TUSC3: variants seen among roughly 807,000 people sequenced by gnomAD.
TUSC3 encodes tumor suppressor candidate 3.
Under a neutral mutation model 44.8 loss-of-function variants are expected in TUSC3, and 45 were observed. The ratio of observed to expected loss-of-function variants is 1.00; its 90% CI spans 0.79 to 1.29. The LOEUF is 1.29. Ranked by LOEUF, TUSC3 falls within the 50% of genes most tolerant of loss-of-function variation. TUSC3 has a pLI of 0.00. For synonymous variants in TUSC3, 212 were observed against 152.9 expected, an observed-to-expected ratio of 1.39 and a Z score of -2.85; for missense variants, 519 against 437.9, an observed-to-expected ratio of 1.19 and a Z score of -1.65.
At chr8:15,758,807 G>T (rs1436511716) in intron 10 of TUSC3, among the ~76,000 whole-genome samples, 1 of 152,082 alleles carries the variant, frequency 6.6e-6, no homozygotes, top group African/African-American at 2.4e-5. Context: ...AGGCTGTGTA[G>T]AAAATTGGCC....
rs115574739 is a variant in TUSC3 at position 15,760,584 on chromosome 8, G to C, written c.*46+2729G>C. Among the ~76,000 whole-genome samples, 501 of 152,090 alleles carry C rather than the reference G, an allele frequency of 3.3e-3. 3 individuals are homozygous for C. The highest frequency in any genetic ancestry group is 0.012 in the African/African-American group (488 of 41,486). On this transcript the variant is annotated intron_variant, in intron 10 of 10. Transcript: ENST00000503731. ...TACAGTTCTAAATCATTGGGGGGTG[G>C]GACGTCAACAAAGAATATTTTGTGA...
At chr8:15,540,626 G>C in intron 1 of TUSC3, 58 bp downstream of exon 1, 1 of 1,478,556 alleles carries the variant, frequency 6.8e-7, no homozygotes, top group Non-Finnish European at 9.1e-7. Flanking sequence ...GGTGGGCCGC[G>C]TTGCCAGGCA....
intron 2 of TUSC3, among the ~76,000 whole-genome samples, chr8:15,627,014 T>C (rs1805540691): frequency 1.3e-5 from 2 of 152,118 alleles, no homozygotes. Context: ...TTGAACAGAG[T>C]GGGAAAGTGT....
intron 6 of TUSC3, among the ~76,000 whole-genome samples, chr8:15,685,839 G>GT (rs1808604569): frequency 6.7e-6 from 1 of 150,322 alleles, no homozygotes; most frequent in Non-Finnish European, 1.5e-5. Context: ...ATTTTGTTGG[G>GT]TATTCATTTA....
At chr8:15,675,877 A>T (rs1248513879) in intron 6 of TUSC3, among the ~76,000 whole-genome samples, 1 of 152,122 alleles carries the variant, frequency 6.6e-6, no homozygotes, top group Non-Finnish European at 1.5e-5. Context: ...TGGTATTGAG[A>T]ATAATGCTGC....
chr8:15,716,639 T>C (rs1810071996), intron 6 of TUSC3, among the ~76,000 whole-genome samples: 1 of 152,158 alleles, frequency 6.6e-6, no homozygotes, highest in South Asian at 2.1e-4. Context: ...AATTATATGC[T>C]AATAATATGT....
At chr8:15,483,325 T>C in intron 1 of TUSC3, 1 of 224,164 alleles carries the variant, frequency 4.5e-6, no homozygotes. Flanking sequence ...TTTTTGTTGT[T>C]GTTGTTGTTG....
chr8:15,599,502 C>G (rs1304601973), intron 1 of TUSC3, among the ~76,000 whole-genome samples: 2 of 151,654 alleles, frequency 1.3e-5, no homozygotes. Context: ...AAAAAGTCAT[C>G]GCCATACCCA....
chr8:15,696,462 G>T (rs1236500899), intron 6 of TUSC3, among the ~76,000 whole-genome samples: 1 of 152,176 alleles, frequency 6.6e-6, no homozygotes, highest in African/African-American at 2.4e-5. Context: ...AAGAACCTCT[G>T]CTAGAGCACT....
At chr8:15,441,568 G>T (rs1482603768) in intron 1 of TUSC3, among the ~76,000 whole-genome samples, 3 of 152,140 alleles carry the variant, frequency 2.0e-5, no homozygotes, top group African/African-American at 7.2e-5. Flanking sequence ...AGAATTGTTA[G>T]AATGCATAAT....
chr8:15,555,275 A>AAT (rs1802214075), intron 1 of TUSC3, among the ~76,000 whole-genome samples: 1 of 34,590 alleles, frequency 2.9e-5, no homozygotes, highest in Non-Finnish European at 6.2e-5. Flanking sequence ...ATGCCAGGCT[A>AAT]ATTTTTTTTT....
At chr8:15,492,249 A>C in intron 2 of TUSC3, among the ~76,000 whole-genome samples, 1 of 152,204 alleles carries the variant, frequency 6.6e-6, no homozygotes, top group East Asian at 1.9e-4. Context: ...GATGGGAGTT[A>C]GCACGAACTC....
At chr8:15,621,870 G>C (rs186320959) in intron 1 of TUSC3, among the ~76,000 whole-genome samples, 1 of 151,140 alleles carries the variant, frequency 6.6e-6, no homozygotes, top group Admixed American at 6.6e-5. Context: ...CTCTCTGCAG[G>C]TTACTATGCT....
intron 1 of TUSC3, among the ~76,000 whole-genome samples, chr8:15,438,625 A>C (rs978868417): frequency 1.1e-4 from 17 of 152,174 alleles, no homozygotes; most frequent in African/African-American, 4.1e-4. Context: ...TTTCATCTGT[A>C]ATACACTCAG....
intron 1 of TUSC3, among the ~76,000 whole-genome samples, chr8:15,596,970 G>A (rs1180283036): frequency 6.6e-6 from 1 of 152,170 alleles, no homozygotes; most frequent in Admixed American, 6.6e-5. Context: ...TTAAACCTTG[G>A]TTAGGTAGCA....
At chr8:15,531,900 C>T (rs1341025308) in intron 2 of TUSC3, among the ~76,000 whole-genome samples, 1 of 152,040 alleles carries the variant, frequency 6.6e-6, no homozygotes, top group African/African-American at 2.4e-5. Context: ...TTGATAGTTA[C>T]CATCAAAGAA....
intron 2 of TUSC3, among the ~76,000 whole-genome samples, chr8:15,526,636 C>T (rs1029314158): frequency 4.6e-5 from 7 of 152,144 alleles, no homozygotes; most frequent in African/African-American, 7.2e-5. Flanking sequence ...ATGTGCCTTT[C>T]GCCTTCTGCC....
chr8:15,683,888 T>C (rs1256097313), intron 6 of TUSC3, among the ~76,000 whole-genome samples: 1 of 152,280 alleles, frequency 6.6e-6, no homozygotes, highest in African/African-American at 2.4e-5. Flanking sequence ...CTGAGTACTT[T>C]CATATGGCCA....
rs368013102 is a variant in TUSC3 at position 15,563,070 on chromosome 8, A to G, written c.138+22502A>G. Among the ~76,000 whole-genome samples, 4 of 152,210 alleles carry G rather than the reference A, an allele frequency of 2.6e-5. No individual in the cohort carries two copies. In the East Asian group the frequency reaches 5.8e-4, roughly 22 times the overall value. Reference sequence around the variant, plus strand: ...TGCCTACTAAAGTGGGCAAGCCTGCACTTTTAGATTTTATGTAGTTTTAAA... The same window carrying G: ...TGCCTACTAAAGTGGGCAAGCCTGCGCTTTTAGATTTTATGTAGTTTTAAA... On this transcript the variant is annotated intron_variant, in intron 1 of 10. Coordinates refer to ENST00000503731, the MANE Select transcript of TUSC3 (RefSeq NM_006765.4).
Sources: gnomAD v4.1 joint callset for allele counts (sites outside exome capture counted in the v4.1 genomes callset) on GRCh38, gnomAD v4.1.1 for gene constraint, MANE v1.5 for transcripts, NCBI Gene and HGNC (gene_info 2026-07-23, HGNC 2026-07-21) for gene names.